The following AFF2 variants were observed in gnomAD, a reference collection of about 807,000 sequenced individuals.
AFF2 encodes AF4/FMR2 family member 2.
AFF2 carries 14 observed loss-of-function variants against 76.9 expected under a neutral mutation model. The ratio of observed to expected loss-of-function variants is 0.18; its 90% CI spans 0.12 to 0.28. The LOEUF (loss-of-function observed/expected upper bound fraction) is 0.28, where lower values mean the gene tolerates loss of function less well. AFF2 is among the 10% of genes least tolerant of loss of function. The probability of loss-of-function intolerance (pLI) is 1.00; values close to 1 mark genes in which losing one functional copy is unlikely to be tolerated. For missense variants in AFF2, 868 were observed against 1,001.1 expected, an observed-to-expected ratio of 0.87 and a Z score of 1.79; for synonymous variants, 398 against 366.7, an observed-to-expected ratio of 1.09 and a Z score of -0.98.
Position 148,660,226 on chromosome X carries a change from C to T in AFF2, c.181-1682C>T, listed in dbSNP as rs150398058. Among the ~76,000 whole-genome samples the T allele has an allele frequency of 8.4e-3, 935 of 111,440 alleles. 8 individuals carry two copies. The highest frequency in any genetic ancestry group is 0.014 in the Non-Finnish European group (723 of 53,041). ...CATAGTATGAGTTAAATACTTTTTA[C>T]GGTATATGGAGATGGTGCTGATAAT... On this transcript the variant is annotated intron_variant, in intron 2 of 20. Transcript: ENST00000370460.
chrX:148,925,492 T>A (rs1383113213), intron 9 of AFF2, among the ~76,000 whole-genome samples: 1 of 112,399 alleles, frequency 8.9e-6, no homozygotes, highest in Non-Finnish European at 1.9e-5. Context: ...AGTTTGGTGT[T>A]CCAAACAGTT....
intron 3 of AFF2, among the ~76,000 whole-genome samples, chrX:148,799,382 A>G (rs1275147357): frequency 2.7e-5 from 3 of 111,833 alleles, no homozygotes; most frequent in East Asian, 2.8e-4. Context: ...TTACTCTGAC[A>G]CAGTTTACTT....
At chrX:148,949,709 C>T (rs2071942711) in intron 9 of AFF2, among the ~76,000 whole-genome samples, 1 of 112,426 alleles carries the variant, frequency 8.9e-6, no homozygotes, top group Non-Finnish European at 1.9e-5. Flanking sequence ...ACTGAGTACA[C>T]TTTTAATATT....
chrX:148,993,810 C>G lies in AFF2; in HGVS notation c.*2478C>G, dbSNP rs1437749955. On this transcript the variant is annotated 3_prime_UTR_variant, in exon 21 of 21. Transcript: ENST00000370460. The stretch of plus-strand genomic sequence containing the variant: ...TTATGTAGTAGACTCATTTATAAAG[C>G]AGCTTAGGAACTAATTAAACATGGA... The G allele has an allele frequency of 1.8e-5, 2 of 112,154 alleles. No individual in the cohort carries two copies. Among genetic ancestry groups the G allele is most frequent in the Non-Finnish European group, 3.8e-5 (2 of 53,200 alleles). The allele number at this position is 112,154 out of a possible 1,213,427, so 9.2% of individuals were successfully genotyped here.
At chrX:148,559,528 G>T (rs781935261) in intron 1 of AFF2, among the ~76,000 whole-genome samples, 1 of 111,395 alleles carries the variant, frequency 9.0e-6, no homozygotes, top group East Asian at 2.8e-4. Context: ...TGCAGTGTTT[G>T]GTTTTCTGTT....
At chrX:148,556,220 C>T (rs987421448) in intron 1 of AFF2, among the ~76,000 whole-genome samples, 2 of 112,156 alleles carry the variant, frequency 1.8e-5, no homozygotes, top group Admixed American at 9.4e-5. Context: ...GCTTCCAGAC[C>T]TAATGTTCCT....
chrX:148,698,797 G>GTTTTTTTTTTTTT (rs142604433), intron 3 of AFF2, among the ~76,000 whole-genome samples: 3 of 71,714 alleles, frequency 4.2e-5, no homozygotes, highest in Non-Finnish European at 5.4e-5. Flanking sequence ...GAGTTCTAGT[G>GTTTTTTTTTTTTT]TTTTTTTTTT....
chrX:148,502,990 C>A (rs930715770), intron 1 of AFF2, among the ~76,000 whole-genome samples: 2 of 112,266 alleles, frequency 1.8e-5, no homozygotes, highest in Non-Finnish European at 3.8e-5. Context: ...AATGCAAAAC[C>A]TTTTTTTCCT....
intron 3 of AFF2, among the ~76,000 whole-genome samples, chrX:148,687,306 G>A (rs1396977557): frequency 8.9e-6 from 1 of 111,833 alleles, no homozygotes; most frequent in African/African-American, 3.2e-5. Context: ...TGTCAATTTT[G>A]AGATTTATTT....
At chrX:148,907,456 G>A (rs1904980605) in intron 9 of AFF2, among the ~76,000 whole-genome samples, 1 of 111,613 alleles carries the variant, frequency 9.0e-6, no homozygotes, top group African/African-American at 3.3e-5. Context: ...TTTTCCCTAA[G>A]TGTCAGCTGG....
At chrX:148,614,734 C>CTTTCTTTCT (rs1569552164) in intron 1 of AFF2, among the ~76,000 whole-genome samples, 5 of 41,331 alleles carry the variant, frequency 1.2e-4, no homozygotes, top group Middle Eastern at 0.016. Context: ...TCTTTCTTTC[C>CTTTCTTTCT]TTCTTTTCTT....
intron 3 of AFF2, among the ~76,000 whole-genome samples, chrX:148,807,689 C>T (rs2070154094): frequency 8.9e-6 from 1 of 112,489 alleles, no homozygotes; most frequent in African/African-American, 3.2e-5. Flanking sequence ...TTAGCCTAGG[C>T]TGCCCACTCT....
intron 3 of AFF2, among the ~76,000 whole-genome samples, chrX:148,700,780 T>C (rs1364542112): frequency 9.0e-6 from 1 of 111,134 alleles, no homozygotes; most frequent in Non-Finnish European, 1.9e-5. Context: ...ATTATATGTA[T>C]TTAGCCCTAC....
chrX:148,500,790 G>A lies in AFF2; in HGVS notation c.-308G>A, dbSNP rs1557231654. 1 of 108,823 alleles carries A rather than the reference G, an allele frequency of 9.2e-6. No homozygotes were observed. Among genetic ancestry groups the A allele is most frequent in the African/African-American group, 3.4e-5 (1 of 29,311 alleles). The allele number at this position is 108,823 out of a possible 1,213,427, so 9.0% of individuals were successfully genotyped here. A position where few individuals can be genotyped will look rare whatever the true frequency, so the allele number is the denominator to read the frequency against. The stretch of plus-strand genomic sequence containing the variant: ...GCCAGGCGGGCGGCCCAGCCCGCCT[G>A]AGCCCGCAGCGGCTGCCGCCGCAGC... On this transcript the variant is annotated 5_prime_UTR_variant, in exon 1 of 21. Transcript: ENST00000370460.
At chrX:148,818,526 C>T (rs1156778223) in intron 4 of AFF2, among the ~76,000 whole-genome samples, 1 of 111,744 alleles carries the variant, frequency 8.9e-6, no homozygotes, top group Non-Finnish European at 1.9e-5. Flanking sequence ...TCACGCCATA[C>T]AAAAACATTA....
chrX:148,961,287 G>A (rs1196301261), intron 12 of AFF2, among the ~76,000 whole-genome samples: 1 of 111,671 alleles, frequency 9.0e-6, no homozygotes, highest in African/African-American at 3.3e-5. Flanking sequence ...CCAAAGGCCT[G>A]GTGCCTTTGT....
intron 9 of AFF2, among the ~76,000 whole-genome samples, chrX:148,905,000 CTAT>C (rs1276074313): frequency 8.9e-6 from 1 of 111,753 alleles, no homozygotes; most frequent in Non-Finnish European, 1.9e-5. Flanking sequence ...ATTTGCTGGG[CTAT>C]TATAGGTCTG....
At chrX:148,897,759 G>A (rs900102693) in intron 8 of AFF2, among the ~76,000 whole-genome samples, 2 of 110,329 alleles carry the variant, frequency 1.8e-5, no homozygotes, top group East Asian at 2.9e-4. Context: ...TGCCCCCTTA[G>A]CATCAGGGGC....
At chrX:148,805,170 C>T (rs781871239) in intron 3 of AFF2, among the ~76,000 whole-genome samples, 84 of 111,554 alleles carry the variant, frequency 7.5e-4, no homozygotes, top group African/African-American at 2.4e-3. Flanking sequence ...AAAGTACAAA[C>T]GGAATTAGTT....
Sources: gnomAD v4.1 joint callset for allele counts (sites outside exome capture counted in the v4.1 genomes callset) on GRCh38, gnomAD v4.1.1 for gene constraint, MANE v1.5 for transcripts, NCBI Gene and HGNC (gene_info 2026-07-23, HGNC 2026-07-21) for gene names.